Variants in WDR49 observed in about 807,000 individuals in gnomAD.
WDR49 encodes WD repeat domain 49.
WDR49 carries 107 observed loss-of-function variants against 119.5 expected under a neutral mutation model. That is an observed-to-expected ratio of 0.90 (90% CI 0.77 to 1.05). WDR49 has a LOEUF of 1.05. Among genes scored for constraint, WDR49 ranks in the 50% least tolerant of loss-of-function variants. The pLI is 0.00. For missense variants in WDR49, 1,240 were observed against 1,220.5 expected (o/e 1.02, Z -0.24); for synonymous variants, 425 against 418.8 (o/e 1.01, Z -0.18).
At chr3:167,484,543 A>G (rs1193301152) in intron 18 of WDR49, among the ~76,000 whole-genome samples, 2 of 152,078 alleles carry the variant, frequency 1.3e-5, no homozygotes, top group Non-Finnish European at 2.9e-5. Context: ...TTAGTGCTAC[A>G]TATTTTGAAC....
intron 2 of WDR49, among the ~76,000 whole-genome samples, chr3:167,650,099 A>G (rs1412401781): frequency 6.6e-6 from 1 of 152,148 alleles, no homozygotes; most frequent in African/African-American, 2.4e-5. Context: ...CTCAGAACCT[A>G]CATAGCCAGA....
At chr3:167,576,202 C>A (rs1054720589) in intron 7 of WDR49, 51 bp from the exon 8 acceptor site, 12 of 1,532,116 alleles carry the variant, frequency 7.8e-6, no homozygotes, top group African/African-American at 1.4e-5. Context: ...TAATTGTAAT[C>A]TTTTAGCCAA....
intron 8 of WDR49, among the ~76,000 whole-genome samples, chr3:167,563,353 CAAAAAA>C (rs61247447): frequency 1.8e-5 from 1 of 55,854 alleles, no homozygotes; most frequent in African/African-American, 6.5e-5. Context: ...GATTCTGAAT[CAAAAAA>C]AAAAAAAAAA....
chr3:167,559,555 G>A (rs1168257910), intron 9 of WDR49, among the ~76,000 whole-genome samples: 2 of 152,198 alleles, frequency 1.3e-5, no homozygotes, highest in Admixed American at 1.3e-4. Context: ...GAATGGATAA[G>A]ATTATGATTA....
At chr3:167,568,847 CA>C (rs1713762992) in intron 8 of WDR49, among the ~76,000 whole-genome samples, 1 of 152,298 alleles carries the variant, frequency 6.6e-6, no homozygotes, top group East Asian at 1.9e-4. Flanking sequence ...ATAAGTATCA[CA>C]TGGCATTTTA....
intron 14 of WDR49, 116 bp from the exon 15 acceptor site, chr3:167,528,133 A>G (rs1175605923): frequency 1.3e-6 from 1 of 784,668 alleles, no homozygotes; most frequent in Non-Finnish European, 1.9e-6. Context: ...CCTATGATCC[A>G]AATGCAAAAG....
chr3:167,525,870 A>AAG (rs1553862835), intron 15 of WDR49, among the ~76,000 whole-genome samples: 3 of 147,956 alleles, frequency 2.0e-5, no homozygotes, highest in African/African-American at 7.5e-5. Flanking sequence ...ACAAAAAAAA[A>AAG]CTTCCCTTTT....
chr3:167,580,025 G>GATATTTGAT (rs1714454289), intron 7 of WDR49, among the ~76,000 whole-genome samples: 1 of 151,928 alleles, frequency 6.6e-6, no homozygotes, highest in South Asian at 2.1e-4. Context: ...ATTTATATTG[G>GATATTTGAT]ATTTGATATT....
chr3:167,579,346 A>G (rs1714419243), intron 7 of WDR49, among the ~76,000 whole-genome samples: 1 of 151,938 alleles, frequency 6.6e-6, no homozygotes, highest in Non-Finnish European at 1.5e-5. Context: ...AGAATACAAC[A>G]CTCCCACAAA....
At chr3:167,539,957 G>T (rs562545153) in intron 10 of WDR49, among the ~76,000 whole-genome samples, 1 of 152,138 alleles carries the variant, frequency 6.6e-6, no homozygotes, top group Non-Finnish European at 1.5e-5. Flanking sequence ...CTGAATCAAT[G>T]TGTGAATTAT....
At chr3:167,556,918 G>A (rs1242963407) in intron 9 of WDR49, among the ~76,000 whole-genome samples, 1 of 152,122 alleles carries the variant, frequency 6.6e-6, no homozygotes, top group Non-Finnish European at 1.5e-5. Context: ...CCAGCTACTC[G>A]GGAGGCTGAA....
chr3:167,585,391 CGTGTGTGTGTGTGTGT>C (rs59424091), intron 7 of WDR49, among the ~76,000 whole-genome samples: 19 of 137,382 alleles, frequency 1.4e-4, no homozygotes, highest in East Asian at 6.5e-4. Context: ...TAAAAGGGTG[CGTGTGTGTGTGTGTGT>C]GTGTGTGTGT....
At chr3:167,564,511 CACATGTCTATG>C (rs1713471406) in intron 8 of WDR49, among the ~76,000 whole-genome samples, 1 of 152,212 alleles carries the variant, frequency 6.6e-6, no homozygotes, top group Non-Finnish European at 1.5e-5. Context: ...GTCTTGGCGT[CACATGTCTATG>C]CCACCTTTTA....
chr3:167,515,948 G>C (rs990620087), intron 16 of WDR49, among the ~76,000 whole-genome samples: 2 of 152,130 alleles, frequency 1.3e-5, no homozygotes, highest in African/African-American at 2.4e-5. Flanking sequence ...CCCTCTTCAA[G>C]GAGAACTACA....
intron 6 of WDR49, among the ~76,000 whole-genome samples, chr3:167,603,403 C>T (rs1160139889): frequency 2.6e-5 from 4 of 152,148 alleles, no homozygotes. Flanking sequence ...TCTAATAAAT[C>T]TACAGTACTC....
chr3:167,521,986 A>ATAGG (rs1404802328), intron 16 of WDR49, among the ~76,000 whole-genome samples: 3 of 135,756 alleles, frequency 2.2e-5, no homozygotes, highest in Non-Finnish European at 4.8e-5. Context: ...AGATAGATAG[A>ATAGG]TAGATAGATA....
At chr3:167,627,799 AT>A (rs1224880612) in intron 2 of WDR49, among the ~76,000 whole-genome samples, 1 of 152,044 alleles carries the variant, frequency 6.6e-6, no homozygotes, top group African/African-American at 2.4e-5. Context: ...GCAACAGGAA[AT>A]TAGTACAGGC....
intron 7 of WDR49, among the ~76,000 whole-genome samples, chr3:167,590,598 A>G (rs1715060579): frequency 6.6e-6 from 1 of 151,994 alleles, no homozygotes; most frequent in South Asian, 2.1e-4. Context: ...TAGTCTGTTC[A>G]GGTTTTGAAA....
intron 5 of WDR49, among the ~76,000 whole-genome samples, chr3:167,615,635 C>T (rs1716559870): frequency 6.6e-6 from 1 of 151,288 alleles, no homozygotes. Flanking sequence ...ATAGAAGAAA[C>T]TAATAGGAAT....
Sources: allele counts gnomAD v4.1 joint callset (sites outside exome capture counted in the v4.1 genomes callset), GRCh38; gene constraint gnomAD v4.1.1; transcripts MANE v1.5; gene names NCBI Gene and HGNC (gene_info 2026-07-23, HGNC 2026-07-21).